Variants in GALK2 observed in about 807,000 individuals in gnomAD.
The protein encoded by GALK2 is N-acetylgalactosamine kinase.
A neutral mutation model predicts 52.4 loss-of-function variants in GALK2; 36 were observed. The observed-to-expected ratio is 0.69, with a 90% CI of 0.53 to 0.91. The LOEUF (loss-of-function observed/expected upper bound fraction) is 0.91. GALK2 is among the 40% of genes least tolerant of loss of function. The pLI is 0.00. For missense variants in GALK2, 579 were observed against 559.1 expected, an observed-to-expected ratio of 1.04 and a Z score of -0.36; for synonymous variants, 176 against 199.1, an observed-to-expected ratio of 0.88 and a Z score of 0.98.
chr15:49,258,357 G>A (rs1468632980), intron 5 of GALK2, among the ~76,000 whole-genome samples: 1 of 152,010 alleles, frequency 6.6e-6, no homozygotes, highest in African/African-American at 2.4e-5. Context: ...TTTTAAGGAA[G>A]TAAGGGAAGT....
Position 49,331,836 on chromosome 15 carries a change from C to G in GALK2, c.*3677C>G, listed in dbSNP as rs769064358. The G allele has an allele frequency of 6.2e-7, 1 of 1,609,262 alleles. No homozygotes were observed. The highest frequency in any genetic ancestry group is 8.5e-7 in the Non-Finnish European group (1 of 1,175,728). The stretch of plus-strand genomic sequence containing the variant: ...TTCACTTCATGAGGTTTCTTGGTAG[C>G]CTTTGCTTGGAGTCTAATCATGGAA... On this transcript the variant is annotated 3_prime_UTR_variant, in exon 10 of 10. Transcript: ENST00000560031.
chr15:49,361,609 G>C (rs1459096165), intron 3 of GALK2, among the ~76,000 whole-genome samples: 1 of 152,116 alleles, frequency 6.6e-6, no homozygotes, highest in African/African-American at 2.4e-5. Flanking sequence ...AGTATTCCCT[G>C]GTGTATATGT....
intron 3 of GALK2, among the ~76,000 whole-genome samples, chr15:49,221,572 C>G (rs2089792760): frequency 6.6e-6 from 1 of 151,896 alleles, no homozygotes. Context: ...GAGGCTGAGG[C>G]AGGAGAATTG....
intron 1 of GALK2, chr15:49,177,716 C>A (rs1262957287): frequency 2.7e-6 from 2 of 740,348 alleles, no homozygotes; most frequent in Non-Finnish European, 4.0e-6. Flanking sequence ...TTTCGGCCTG[C>A]AGATGTCAGC....
Position 49,308,651 on chromosome 15 carries a change from A to G in GALK2, c.968-10953A>G, listed in dbSNP as rs546208048. 3.3e-5 allele frequency among the ~76,000 whole-genome samples: 5 copies of G among 152,318 alleles called. No homozygotes were observed. In the East Asian group the frequency reaches 9.6e-4, roughly 29 times the overall value. ...CGTGGAGAAACTCGCTGCATAAAGA[A>G]TGAGGGAGATGATGGTCCAGCTCTC... On this transcript the variant is annotated intron_variant, in intron 8 of 9. Transcript: ENST00000560031.
intron 8 of GALK2, among the ~76,000 whole-genome samples, chr15:49,315,652 T>A (rs1048690014): frequency 2.6e-5 from 4 of 152,218 alleles, no homozygotes; most frequent in Non-Finnish European, 5.9e-5. Flanking sequence ...GCCCTTTCCC[T>A]TGTTGTCTGA....
At chr15:49,274,335 A>T (rs1168491868) in intron 5 of GALK2, among the ~76,000 whole-genome samples, 1 of 152,238 alleles carries the variant, frequency 6.6e-6, no homozygotes, top group Non-Finnish European at 1.5e-5. Context: ...AGGCAGTTGT[A>T]ACACAATGGT....
intron 5 of GALK2, among the ~76,000 whole-genome samples, chr15:49,275,091 A>G (rs78583136): frequency 0.06 from 9,180 of 152,294 alleles, 553 homozygotes; most frequent in African/African-American, 0.15. Context: ...ATAATCATAC[A>G]TACTACACTT....
intron 2 of GALK2, among the ~76,000 whole-genome samples, chr15:49,203,837 A>C (rs533751522): frequency 1.3e-5 from 2 of 152,284 alleles, no homozygotes; most frequent in African/African-American, 4.8e-5. Flanking sequence ...GGCCTTGGCC[A>C]GGCATGGTGG....
At chr15:49,189,531 G>A (rs1447511816) in intron 1 of GALK2, among the ~76,000 whole-genome samples, 1 of 151,950 alleles carries the variant, frequency 6.6e-6, no homozygotes, top group Non-Finnish European at 1.5e-5. Flanking sequence ...TTATAAATTA[G>A]GCATAGCAAG....
intron 3 of GALK2, among the ~76,000 whole-genome samples, chr15:49,221,960 A>G (rs1166628760): frequency 6.6e-6 from 1 of 152,146 alleles, no homozygotes; most frequent in East Asian, 1.9e-4. Flanking sequence ...GTATTTTCAT[A>G]GGGATTGCAT....
At chr15:49,347,578 G>A (rs939424387) in intron 3 of GALK2, among the ~76,000 whole-genome samples, 4 of 152,078 alleles carry the variant, frequency 2.6e-5, no homozygotes, top group African/African-American at 7.2e-5. Context: ...CATACTGAAC[G>A]AGTATTCTTA....
chr15:49,199,672 C>T (rs890151336), intron 1 of GALK2, among the ~76,000 whole-genome samples: 8 of 152,072 alleles, frequency 5.3e-5, no homozygotes, highest in African/African-American at 1.9e-4. Flanking sequence ...AGAATTTGAA[C>T]GAAAGGACAC....
intron 1 of GALK2, among the ~76,000 whole-genome samples, chr15:49,184,352 C>G (rs1244582316): frequency 6.6e-6 from 1 of 151,430 alleles, no homozygotes; most frequent in Non-Finnish European, 1.5e-5. Context: ...CTTTTTCAGT[C>G]TATGTGTGTC....
chr15:49,170,226 C>A, upstream of GALK2: 1 of 1,531,384 alleles, frequency 6.5e-7, no homozygotes, highest in Non-Finnish European at 8.8e-7. Flanking sequence ...GTTTATCTCC[C>A]GGAAGAAAAC....
rs144322038 is a variant in GALK2, at chr15:49,319,657, C to A, written c.1021C>A (p.Arg341=). Residue 341 remains arginine, a synonymous_variant, in exon 9 of 10, where the codon CGA becomes AGA. Coordinates refer to ENST00000560031, the MANE Select transcript of GALK2 (RefSeq NM_002044.4). The part of the protein sequence containing the change: ...RAKHVYSEAA[R]VLQFKKICEE... ...AAAGCATGTGTACAGCGAGGCTGCG[C>A]GAGTGCTCCAGTTTAAGAAGATATG... 1 of 1,614,140 alleles carries A rather than the reference C, an allele frequency of 6.2e-7. No individual in the cohort carries two copies. Among genetic ancestry groups the A allele is most frequent in the Non-Finnish European group, 8.5e-7 (1 of 1,180,032 alleles).
At position 49,243,239 on chromosome 15, in the gene GALK2, A is replaced by C. The variant is rs187787378; in HGVS notation, c.504+3872A>C. ...TGCAGGAGTCTCTGGAGAAACAACCAGAGATCATTTGTACTTGGGGACACT... is the reference window on the plus strand; with the variant it reads ...TGCAGGAGTCTCTGGAGAAACAACCCGAGATCATTTGTACTTGGGGACACT... On this transcript the variant is annotated intron_variant, in intron 5 of 9. Transcript: ENST00000560031. Among the ~76,000 whole-genome samples the C allele has an allele frequency of 1.0e-3, 153 of 152,304 alleles. 1 individual carries two copies. The highest frequency in any genetic ancestry group is 3.4e-3 in the African/African-American group (142 of 41,568).
downstream of GALK2, among the ~76,000 whole-genome samples, chr15:49,332,086 G>GCCCCCC (rs60385595): frequency 1.1e-5 from 1 of 92,612 alleles, no homozygotes; most frequent in Non-Finnish European, 2.1e-5. Flanking sequence ...GTGCACACGT[G>GCCCCCC]CCACACACAC....
intron 2 of GALK2, among the ~76,000 whole-genome samples, chr15:49,206,434 A>G (rs969275921): frequency 2.0e-5 from 3 of 151,914 alleles, no homozygotes; most frequent in African/African-American, 7.2e-5. Flanking sequence ...CATTTTCACA[A>G]TATTGATTCT....
Sources: allele counts gnomAD v4.1 joint callset (sites outside exome capture counted in the v4.1 genomes callset), GRCh38; gene constraint gnomAD v4.1.1; transcripts MANE v1.5; gene names NCBI Gene and HGNC (gene_info 2026-07-23, HGNC 2026-07-21).